Variants in MARCHF1 observed in about 807,000 individuals in gnomAD.
MARCHF1 encodes membrane associated ring-CH-type finger 1.
Under a neutral mutation model 54.2 loss-of-function variants are expected in MARCHF1, and 40 were observed. The observed-to-expected ratio is 0.74, with a 90% CI of 0.57 to 0.96. MARCHF1 has a LOEUF of 0.96. Ranked by LOEUF, MARCHF1 falls within the 40% of genes least tolerant of loss-of-function variation. The probability of loss-of-function intolerance (pLI) is 0.00; values close to 1 mark genes in which losing one functional copy is unlikely to be tolerated. For missense variants in MARCHF1, 586 were observed against 656.5 expected (o/e 0.89, Z 1.17); for synonymous variants, 236 against 236.3 (o/e 1.00, Z 0.01).
At chr4:163,713,228 T>C (rs1019067700) in intron 4 of MARCHF1, among the ~76,000 whole-genome samples, 1 of 152,174 alleles carries the variant, frequency 6.6e-6, no homozygotes, top group Non-Finnish European at 1.5e-5. Context: ...TTCCGGCCTA[T>C]AGAAACATCA....
intron 1 of MARCHF1, among the ~76,000 whole-genome samples, chr4:164,268,177 A>C (rs1236844965): frequency 2.0e-5 from 3 of 152,194 alleles, no homozygotes; most frequent in Non-Finnish European, 4.4e-5. Flanking sequence ...GTAGATTATG[A>C]AACACATATT....
chr4:163,852,491 G>A (rs1749668277), intron 4 of MARCHF1, among the ~76,000 whole-genome samples: 1 of 152,156 alleles, frequency 6.6e-6, no homozygotes. Context: ...TGTTTTAGTA[G>A]TGTTAACTCA....
chr4:163,676,199 A>AAAAAAAAAAC (rs1743912079), intron 5 of MARCHF1, among the ~76,000 whole-genome samples: 1 of 148,912 alleles, frequency 6.7e-6, no homozygotes, highest in African/African-American at 2.5e-5. Flanking sequence ...AAAAAAAAAA[A>AAAAAAAAAAC]AAAAAAAATT....
intron 1 of MARCHF1, among the ~76,000 whole-genome samples, chr4:164,371,521 T>C (rs773177359): frequency 8.6e-5 from 13 of 151,724 alleles, no homozygotes; most frequent in Non-Finnish European, 1.8e-4. Context: ...GTACTTAGAG[T>C]ATACAAAAAT....
At chr4:163,929,472 C>T (rs193066360) in intron 3 of MARCHF1, among the ~76,000 whole-genome samples, 1 of 152,016 alleles carries the variant, frequency 6.6e-6, no homozygotes, top group African/African-American at 2.4e-5. Context: ...ATTCTGATGC[C>T]ATAGTGATCA....
chr4:164,072,173 C>G (rs1013546140), intron 2 of MARCHF1, among the ~76,000 whole-genome samples: 7 of 152,118 alleles, frequency 4.6e-5, no homozygotes, highest in South Asian at 2.1e-4. Context: ...GTGAGAGTAA[C>G]ACAGAAACTG....
chr4:164,057,573 T>C (rs1754520202), intron 2 of MARCHF1, among the ~76,000 whole-genome samples: 1 of 152,168 alleles, frequency 6.6e-6, no homozygotes, highest in Non-Finnish European at 1.5e-5. Context: ...CATTTGTCTT[T>C]CATTCTTTTT....
At chr4:164,292,452 G>A (rs184710903) in intron 1 of MARCHF1, among the ~76,000 whole-genome samples, 16 of 152,164 alleles carry the variant, frequency 1.1e-4, no homozygotes, top group African/African-American at 3.9e-4. Context: ...AGGTTTTGAG[G>A]CTGATGCTTT....
intron 7 of MARCHF1, among the ~76,000 whole-genome samples, chr4:163,602,536 T>C (rs1344715859): frequency 6.6e-6 from 1 of 152,134 alleles, no homozygotes; most frequent in Non-Finnish European, 1.5e-5. Flanking sequence ...TGGCAGGTTA[T>C]CAGCAAAGTT....
At chr4:163,946,393 A>G (rs1752027140) in intron 3 of MARCHF1, among the ~76,000 whole-genome samples, 1 of 152,070 alleles carries the variant, frequency 6.6e-6, no homozygotes. Flanking sequence ...CCATACTATC[A>G]TCTCTCTATA....
At chr4:163,688,954 G>T (rs142641340) in intron 5 of MARCHF1, among the ~76,000 whole-genome samples, 1 of 152,114 alleles carries the variant, frequency 6.6e-6, no homozygotes, top group Non-Finnish European at 1.5e-5. Context: ...TAATTGCAAG[G>T]TTGTTTTAGT....
At chr4:164,205,614 T>C (rs550197146) in intron 1 of MARCHF1, among the ~76,000 whole-genome samples, 13 of 152,292 alleles carry the variant, frequency 8.5e-5, no homozygotes, top group African/African-American at 2.6e-4. Context: ...ATCAATTTAG[T>C]GATAGTATGA....
intron 2 of MARCHF1, among the ~76,000 whole-genome samples, chr4:164,084,904 T>C (rs1360488645): frequency 1.3e-5 from 2 of 151,806 alleles, no homozygotes; most frequent in Non-Finnish European, 3.0e-5. Context: ...GAAAAGCTGA[T>C]GATTTTTTTA....
chr4:163,911,566 G>T (rs1288876791), intron 3 of MARCHF1, among the ~76,000 whole-genome samples: 1 of 152,042 alleles, frequency 6.6e-6, no homozygotes, highest in African/African-American at 2.4e-5. Flanking sequence ...ATATATTCTG[G>T]TACAGATTAA....
At chr4:163,535,665 AAC>A (rs1007919518) in intron 9 of MARCHF1, among the ~76,000 whole-genome samples, 2 of 152,238 alleles carry the variant, frequency 1.3e-5, no homozygotes, top group East Asian at 1.9e-4. Flanking sequence ...TATGCTAAGT[AAC>A]ACAGTGGCAT....
chr4:163,656,102 A>T (rs1294388182), intron 5 of MARCHF1, among the ~76,000 whole-genome samples: 1 of 148,668 alleles, frequency 6.7e-6, no homozygotes, highest in Non-Finnish European at 1.5e-5. Context: ...CTTTCAAAAA[A>T]CCAATGAATC....
intron 2 of MARCHF1, among the ~76,000 whole-genome samples, chr4:164,016,220 A>T (rs1233619151): frequency 6.6e-6 from 1 of 152,160 alleles, no homozygotes; most frequent in African/African-American, 2.4e-5. Context: ...GGAAACTTAC[A>T]ATTATGGCAG....
chr4:164,239,323 G>C (rs931547289), intron 1 of MARCHF1, among the ~76,000 whole-genome samples: 2 of 151,928 alleles, frequency 1.3e-5, no homozygotes, highest in Non-Finnish European at 1.5e-5. Flanking sequence ...GTTGGATAAA[G>C]GTCTAAGTTT....
intron 3 of MARCHF1, among the ~76,000 whole-genome samples, chr4:163,940,410 T>C (rs1390787894): frequency 6.6e-6 from 1 of 152,100 alleles, no homozygotes; most frequent in East Asian, 1.9e-4. Flanking sequence ...TATCTATAAA[T>C]ATGCCAAAAA....
Sources: allele counts gnomAD v4.1 joint callset (sites outside exome capture counted in the v4.1 genomes callset), GRCh38; gene constraint gnomAD v4.1.1; transcripts MANE v1.5; gene names NCBI Gene and HGNC (gene_info 2026-07-23, HGNC 2026-07-21).